The following C10orf105 variants were observed in gnomAD, a reference collection of about 807,000 sequenced individuals.
C10orf105 encodes chromosome 10 open reading frame 105.
C10orf105 carries 2 observed loss-of-function variants against 0.6 expected under a neutral mutation model. That is an observed-to-expected ratio of 3.18 (90% CI 1.30 to 10.01). C10orf105 has a LOEUF of 10.01. Among genes scored for constraint, C10orf105 ranks in the 30% most tolerant of loss-of-function variants. The probability of loss-of-function intolerance (pLI) is 0.04; values close to 1 mark genes in which losing one functional copy is unlikely to be tolerated. For synonymous variants in C10orf105, 95 were observed against 82.4 expected (o/e 1.15, Z -0.83); for missense variants, 209 against 191.4 (o/e 1.09, Z -0.54).
At position 71,713,109 on chromosome 10, in the gene C10orf105, A is replaced by G. The variant is rs1420957424; in HGVS notation, c.*2827T>C. On this transcript the variant is annotated 3_prime_UTR_variant, in exon 2 of 2. Coordinates refer to ENST00000441508, the MANE Select transcript of C10orf105 (RefSeq NM_001164375.3). Reference sequence around the variant, plus strand: ...CCCACCCAGAAGGGCCTTTCAGAGTAGCGGGGAGAAAGAGACGTCACAATT... The same window carrying G: ...CCCACCCAGAAGGGCCTTTCAGAGTGGCGGGGAGAAAGAGACGTCACAATT... 2 of 772,386 alleles carry G rather than the reference A, an allele frequency of 2.6e-6. No individual in the cohort carries two copies. Among genetic ancestry groups the G allele is most frequent in the Non-Finnish European group, 4.8e-6 (2 of 414,750 alleles). The allele number at this position is 772,386 out of a possible 1,614,324, so 47.8% of individuals were successfully genotyped here. A position where few individuals can be genotyped will look rare whatever the true frequency, so the allele number is the denominator to read the frequency against.
intron 1 of C10orf105, chr10:71,730,343 C>G: frequency 8.0e-7 from 1 of 1,248,842 alleles, no homozygotes; most frequent in Non-Finnish European, 1.1e-6. Context: ...GGCCTGGGGT[C>G]CTAGAGGGAG....
rs767680481 is a variant in C10orf105, at chr10:71,712,669, C to T, written c.*3267G>A. ...GTCTTCCTTCAACTCCCACAGACAA[C>T]GGCCCTGTAGGGAAGCGACACACGG... On this transcript the variant is annotated 3_prime_UTR_variant, in exon 2 of 2. Transcript: ENST00000441508. The T allele has an allele frequency of 2.5e-5, 41 of 1,613,326 alleles. No individual in the cohort carries two copies. The highest frequency in any genetic ancestry group is 3.1e-5 in the Non-Finnish European group (36 of 1,179,784).
intron 1 of C10orf105, among the ~76,000 whole-genome samples, chr10:71,718,271 C>A (rs1367040628): frequency 6.6e-6 from 1 of 152,190 alleles, no homozygotes; most frequent in Non-Finnish European, 1.5e-5. Context: ...CCTGTCCCTA[C>A]CCCAGGCACT....
chr10:71,712,414 GT>G lies in C10orf105; in HGVS notation c.*3521del, dbSNP rs1482291790. On this transcript the variant is annotated 3_prime_UTR_variant, in exon 2 of 2. Transcript: ENST00000441508. ...TCTGTAAAATGGGGATGACAGTAAA[GT>G]GTCTGCTTCATGGGGTTGCTGTGAG... 4 of 460,162 alleles carry G rather than the reference GT, an allele frequency of 8.7e-6. No homozygotes were observed. The highest frequency in any genetic ancestry group is 1.9e-5 in the African/African-American group (1 of 51,638). The allele number at this position is 460,162 out of a possible 1,614,324, so 28.5% of individuals were successfully genotyped here.
intron 1 of C10orf105, among the ~76,000 whole-genome samples, chr10:71,730,255 T>G (rs890998253): frequency 6.6e-6 from 1 of 152,184 alleles, no homozygotes; most frequent in Non-Finnish European, 1.5e-5. Context: ...TGAAGTTCAT[T>G]CCGAAACAAG....
chr10:71,730,367 C>A (rs1331113400), intron 1 of C10orf105: 2 of 1,455,510 alleles, frequency 1.4e-6, no homozygotes, highest in Non-Finnish European at 9.2e-7. Context: ...ACAGCAGGCC[C>A]AGGAAAGCAG....
At position 71,716,326 on chromosome 10, in the gene C10orf105, C is replaced by G. The variant is rs1866236221; in HGVS notation, c.12G>C (p.Glu4Asp). 1 of 1,485,788 alleles carries G rather than the reference C, an allele frequency of 6.7e-7. No homozygotes were observed. Among genetic ancestry groups the G allele is most frequent in the Non-Finnish European group, 9.0e-7 (1 of 1,112,728 alleles). The allele number at this position is 1,485,788 out of a possible 1,614,324, so 92.0% of individuals were successfully genotyped here. MST[E>D]GPSLASSPAI... ...CTGGGGAGCTGGCGAGGCTGGGGCC[C>G]TCTGTGCTCATGGCTCCTGCAACAG... The change falls in exon 2 of 2, where the codon GAG becomes GAC. Residue 4 changes from glutamate (E) to aspartate (D), a missense_variant. Transcript: ENST00000441508.
At chr10:71,737,534 C>T (rs1278031600) in intron 1 of C10orf105, among the ~76,000 whole-genome samples, 1 of 152,244 alleles carries the variant, frequency 6.6e-6, no homozygotes, top group Non-Finnish European at 1.5e-5. Flanking sequence ...CTGCAGCATG[C>T]ACAGGCTTAG....
chr10:71,719,875 C>T (rs1010652312), upstream of C10orf105: 2 of 152,826 alleles, frequency 1.3e-5, no homozygotes, highest in African/African-American at 2.4e-5. Context: ...GGGATGGCAA[C>T]TGGGTTGGGA....
intron 1 of C10orf105, among the ~76,000 whole-genome samples, chr10:71,726,195 C>G (rs1034880841): frequency 2.6e-5 from 4 of 152,140 alleles, no homozygotes; most frequent in African/African-American, 9.7e-5. Context: ...GCTTCACCCC[C>G]ACCCCTACAC....
chr10:71,729,922 C>T (rs1393263572), intron 1 of C10orf105, among the ~76,000 whole-genome samples: 1 of 151,962 alleles, frequency 6.6e-6, no homozygotes, highest in Non-Finnish European at 1.5e-5. Flanking sequence ...GCAACCTCTG[C>T]CTCCCGGGTT....
chr10:71,730,498 T>C lies in C10orf105; in HGVS notation c.-6+7230A>G, dbSNP rs1589380949. On this transcript the variant is annotated intron_variant, in intron 1 of 1. Coordinates refer to the C10orf105 transcript ENST00000398786. ...TTGTGTACGTGGAGGACATCAACGA[T>C]GAGGCCCCCGTGTTCACACAGCAGC... 3 of 1,613,762 alleles carry C rather than the reference T, an allele frequency of 1.9e-6. No individual in the cohort carries two copies. Among genetic ancestry groups the C allele is most frequent in the African/African-American group, 2.7e-5 (2 of 74,910 alleles).
In C10orf105 at chr10:71,725,388, C is replaced by T. The variant is rs1866761761; in HGVS notation, c.-5-9046G>A. 1 of 1,614,046 alleles carries T rather than the reference C, an allele frequency of 6.2e-7. No individual in the cohort carries two copies. The highest frequency in any genetic ancestry group is 1.1e-5 in the South Asian group (1 of 91,082). On this transcript the variant is annotated intron_variant, in intron 1 of 1. Transcript: ENST00000398786. ...TCCACACAGGTAACCATGGCAACAA[C>T]TTCCGGATCCATGTCAGCAATGGGC...
chr10:71,721,085 G>A (rs1049264161), upstream of C10orf105, among the ~76,000 whole-genome samples: 12 of 152,206 alleles, frequency 7.9e-5, no homozygotes, highest in African/African-American at 2.9e-4. Context: ...CTCCTGAGAT[G>A]ACAGAAGACA....
upstream of C10orf105, among the ~76,000 whole-genome samples, chr10:71,723,843 G>A (rs975267718): frequency 6.6e-6 from 1 of 152,166 alleles, no homozygotes; most frequent in African/African-American, 2.4e-5. Context: ...GGCTGCAGGG[G>A]CCATCAGCGG....
In C10orf105 at chr10:71,713,307, G is replaced by C; in HGVS notation, c.*2629C>G. ...GCTCCAAGGCTCAGAGGGAGAGAAG[G>C]GAGGACCCTGAAAACAATTTGGGTG... On this transcript the variant is annotated 3_prime_UTR_variant, in exon 2 of 2. Coordinates refer to ENST00000441508, the MANE Select transcript of C10orf105 (RefSeq NM_001164375.3). 1 of 778,822 alleles carries C rather than the reference G, an allele frequency of 1.3e-6. No individual in the cohort carries two copies. Among genetic ancestry groups the C allele is most frequent in the Non-Finnish European group, 2.4e-6 (1 of 417,738 alleles). The allele number at this position is 778,822 out of a possible 1,614,324, so 48.2% of individuals were successfully genotyped here.
intron 1 of C10orf105, among the ~76,000 whole-genome samples, chr10:71,733,750 C>T (rs1244037652): frequency 1.3e-5 from 2 of 152,202 alleles, no homozygotes; most frequent in African/African-American, 4.8e-5. Flanking sequence ...TTATCTACTG[C>T]CAGGCTCTTA....
At chr10:71,716,455 G>GC (rs1478080054) in intron 1 of C10orf105, 113 bp from the exon 2 acceptor site, 1 of 806,928 alleles carries the variant, frequency 1.2e-6, no homozygotes, top group African/African-American at 1.8e-5. Context: ...TGTTAAACTG[G>GC]ACAGCATCAT....
At chr10:71,726,756 G>A (rs1866829503) in intron 1 of C10orf105, among the ~76,000 whole-genome samples, 1 of 152,234 alleles carries the variant, frequency 6.6e-6, no homozygotes, top group South Asian at 2.1e-4. Flanking sequence ...AGTGACTGAT[G>A]TCAGCGAAGC....
Sources: gnomAD v4.1 joint callset for allele counts (sites outside exome capture counted in the v4.1 genomes callset) on GRCh38, gnomAD v4.1.1 for gene constraint, MANE v1.5 for transcripts, NCBI Gene and HGNC (gene_info 2026-07-23, HGNC 2026-07-21) for gene names.